N4BP2: variants seen among roughly 807,000 people sequenced by gnomAD.
N4BP2 encodes the protein NEDD4 binding protein 2, also known as NEDD4-binding protein 2.
In N4BP2, 91 loss-of-function variants were observed where a neutral mutation model predicts 152.8. The observed-to-expected ratio is 0.60, with a 90% CI of 0.50 to 0.71. The LOEUF (loss-of-function observed/expected upper bound fraction) is 0.71, where lower values mean the gene tolerates loss of function less well. N4BP2 is among the 30% of genes least tolerant of loss of function. The pLI is 0.00. For missense variants in N4BP2, 1,923 were observed against 2,059.1 expected (o/e 0.93, Z 1.28); for synonymous variants, 646 against 705.3 (o/e 0.92, Z 1.33).
the N4BP2 span, among the ~76,000 whole-genome samples, chr4:40,187,711 G>A: frequency 1.3e-5 from 2 of 152,172 alleles, no homozygotes; most frequent in African/African-American, 4.8e-5. Flanking sequence ...ACTTTCAGAA[G>A]ACAATCACAC....
chr4:40,103,695 G>T (rs1305882698), intron 4 of N4BP2, among the ~76,000 whole-genome samples: 4 of 152,204 alleles, frequency 2.6e-5, no homozygotes, highest in Non-Finnish European at 5.9e-5. Flanking sequence ...ACAACTGGTA[G>T]TCAGAGAACT....
At chr4:40,072,161 G>A (rs1031850193) in intron 1 of N4BP2, among the ~76,000 whole-genome samples, 3 of 151,370 alleles carry the variant, frequency 2.0e-5, no homozygotes, top group African/African-American at 7.3e-5. Flanking sequence ...TGCAATCTCC[G>A]CCTTCCGGGT....
Position 40,074,461 on chromosome 4 carries a change from G to A in N4BP2, c.-115+910G>A, listed in dbSNP as rs540975332. 7.3e-5 allele frequency among the ~76,000 whole-genome samples: 11 copies of A among 151,442 alleles called. No homozygotes were observed. In the South Asian group the frequency reaches 2.1e-3, roughly 29 times the overall value. ...TTGGCTCAAGTGATCCGCCTGCCTCGGCCTCCCAAAGTGCTGGGACAACAG... is the reference window on the plus strand; with the variant it reads ...TTGGCTCAAGTGATCCGCCTGCCTCAGCCTCCCAAAGTGCTGGGACAACAG... On this transcript the variant is annotated intron_variant, in intron 2 of 17. Coordinates refer to ENST00000261435, the MANE Select transcript of N4BP2 (RefSeq NM_018177.6).
intron 2 of N4BP2, among the ~76,000 whole-genome samples, chr4:40,078,391 C>T (rs985795911): frequency 6.6e-6 from 1 of 152,182 alleles, no homozygotes; most frequent in African/African-American, 2.4e-5. Context: ...CCTGCCTCGG[C>T]CACCCAAAGT....
chr4:40,166,812 A>G, the N4BP2 span: 1 of 152,250 alleles, frequency 6.6e-6, no homozygotes, highest in African/African-American at 2.4e-5. Flanking sequence ...CATGCATGCA[A>G]TGCATATTAA....
chr4:40,101,738 G>A (rs1715675752), intron 3 of N4BP2, among the ~76,000 whole-genome samples: 1 of 151,948 alleles, frequency 6.6e-6, no homozygotes, highest in South Asian at 2.1e-4. Flanking sequence ...CAGGCTTTAG[G>A]ACTTTTATAA....
At chr4:40,089,510 C>T (rs1234360738) in intron 2 of N4BP2, among the ~76,000 whole-genome samples, 1 of 142,534 alleles carries the variant, frequency 7.0e-6, no homozygotes, top group African/African-American at 2.6e-5. Flanking sequence ...CATCTTGGGT[C>T]ACTACAGCCT....
downstream of N4BP2, among the ~76,000 whole-genome samples, chr4:40,161,516 G>A (rs1391509890): frequency 2.0e-5 from 3 of 152,120 alleles, no homozygotes; most frequent in Admixed American, 1.3e-4. Context: ...ACAATCACAC[G>A]ACAGTTGGCA....
chr4:40,105,366 C>T (rs1716163710), intron 4 of N4BP2, among the ~76,000 whole-genome samples: 2 of 150,466 alleles, frequency 1.3e-5, no homozygotes, highest in Non-Finnish European at 2.9e-5. Context: ...CTCTGTCACC[C>T]AGGCTGTTGT....
chr4:40,157,703 T>C lies in N4BP2; in HGVS notation c.*3466T>C, dbSNP rs1379638504. On this transcript the variant is annotated 3_prime_UTR_variant, in exon 18 of 18. Transcript: ENST00000261435. ...TTTCGGTGTAGTAGTTAAATATTGCTCAATTTTTATTTACATGTAAAGAAA... is the reference window on the plus strand; with the variant it reads ...TTTCGGTGTAGTAGTTAAATATTGCCCAATTTTTATTTACATGTAAAGAAA... 6.6e-5 allele frequency: 10 copies of C among 152,212 alleles called. No individual in the cohort carries two copies. 9.4% of individuals were successfully genotyped at this position (152,212 alleles called of 1,614,324 possible).
chr4:40,116,632 A>G (rs1016712553), intron 7 of N4BP2, among the ~76,000 whole-genome samples: 2 of 152,098 alleles, frequency 1.3e-5, no homozygotes, highest in Non-Finnish European at 2.9e-5. Context: ...ATATACAGGT[A>G]GTGTTTATTT....
the N4BP2 span, among the ~76,000 whole-genome samples, chr4:40,164,158 A>G: frequency 2.0e-5 from 3 of 152,190 alleles, no homozygotes; most frequent in African/African-American, 7.2e-5. Flanking sequence ...ACAGGCTGGT[A>G]AGGAGTCAAG....
chr4:40,088,953 TTG>T (rs776745551), intron 2 of N4BP2, among the ~76,000 whole-genome samples: 26 of 152,140 alleles, frequency 1.7e-4, no homozygotes, highest in Non-Finnish European at 2.9e-4. Flanking sequence ...TTTGTTTTTT[TTG>T]TGTGTGTTTT....
intron 2 of N4BP2, among the ~76,000 whole-genome samples, chr4:40,081,043 G>A (rs920583919): frequency 1.3e-5 from 2 of 151,292 alleles, no homozygotes; most frequent in Non-Finnish European, 2.9e-5. Flanking sequence ...CATACAAATA[G>A]ACACAGTGAA....
the N4BP2 span, among the ~76,000 whole-genome samples, chr4:40,165,662 CGT>C: frequency 2.6e-5 from 4 of 151,890 alleles, no homozygotes; most frequent in Admixed American, 6.6e-5. Flanking sequence ...TCTCTATGTA[CGT>C]GTGTGTGTGT....
intron 15 of N4BP2, among the ~76,000 whole-genome samples, chr4:40,144,154 C>T (rs1415562360): frequency 1.3e-5 from 2 of 152,000 alleles, no homozygotes; most frequent in South Asian, 4.2e-4. Context: ...AGAACATCTG[C>T]CTGTTTGTCT....
chr4:40,072,794 C>T lies in N4BP2; in HGVS notation c.-211-661C>T, dbSNP rs866714197. Among the ~76,000 whole-genome samples, 13 of 151,250 alleles carry T rather than the reference C, an allele frequency of 8.6e-5. No homozygotes were observed. The South Asian group carries it at 1.0e-3, about 12-fold the overall frequency. On this transcript the variant is annotated intron_variant, in intron 1 of 17. Coordinates refer to ENST00000261435, the MANE Select transcript of N4BP2 (RefSeq NM_018177.6). The stretch of plus-strand genomic sequence containing the variant: ...ACGCTGGACTGCAATGGTGCCATCT[C>T]GGCTCACTGCAATCTCTGCCTCCCA...
intron 13 of N4BP2, among the ~76,000 whole-genome samples, chr4:40,135,376 C>A (rs1034587258): frequency 9.9e-5 from 15 of 151,254 alleles, no homozygotes; most frequent in Non-Finnish European, 2.1e-4. Context: ...GGTTCCAAGT[C>A]TTTGCTATTG....
At chr4:40,076,912 A>G (rs1712799972) in intron 2 of N4BP2, among the ~76,000 whole-genome samples, 1 of 152,148 alleles carries the variant, frequency 6.6e-6, no homozygotes. Flanking sequence ...AAAGACATTG[A>G]TGATACTGGT....
Sources: gnomAD v4.1 joint callset for allele counts (sites outside exome capture counted in the v4.1 genomes callset) on GRCh38, gnomAD v4.1.1 for gene constraint, MANE v1.5 for transcripts, NCBI Gene and HGNC (gene_info 2026-07-23, HGNC 2026-07-21) for gene names.